CDH12: variants seen among roughly 807,000 people sequenced by gnomAD.
CDH12 encodes cadherin-12.
CDH12 carries 41 observed loss-of-function variants against 74.1 expected under a neutral mutation model. The observed-to-expected ratio is 0.55, with a 90% CI of 0.43 to 0.72. The LOEUF is 0.72. Ranked by LOEUF, CDH12 falls within the 30% of genes least tolerant of loss-of-function variation. The pLI is 0.00. For missense variants in CDH12, 945 were observed against 977.2 expected (o/e 0.97, Z 0.44); for synonymous variants, 399 against 355.0 (o/e 1.12, Z -1.39).
chr5:22,571,761 G>T (rs1190753016), intron 1 of CDH12, among the ~76,000 whole-genome samples: 1 of 152,146 alleles, frequency 6.6e-6, no homozygotes, highest in East Asian at 1.9e-4. Flanking sequence ...AAGACCCAGG[G>T]AGAGGGAGAG....
At chr5:22,282,547 A>G (rs1736935314) in intron 3 of CDH12, among the ~76,000 whole-genome samples, 1 of 152,174 alleles carries the variant, frequency 6.6e-6, no homozygotes, top group Non-Finnish European at 1.5e-5. Flanking sequence ...TTTACAAGCA[A>G]AGAACAAACA....
At chr5:22,626,704 G>A (rs1314345401) in intron 1 of CDH12, among the ~76,000 whole-genome samples, 1 of 152,184 alleles carries the variant, frequency 6.6e-6, no homozygotes, top group Non-Finnish European at 1.5e-5. Flanking sequence ...TCTTACCTCT[G>A]AATGACCACA....
chr5:22,523,401 T>A (rs1373415042), intron 1 of CDH12, among the ~76,000 whole-genome samples: 1 of 152,206 alleles, frequency 6.6e-6, no homozygotes, highest in African/African-American at 2.4e-5. Flanking sequence ...CATTAAAATG[T>A]AAGCTGGTCC....
intron 1 of CDH12, among the ~76,000 whole-genome samples, chr5:22,617,346 G>T (rs927050453): frequency 2.6e-5 from 4 of 151,984 alleles, no homozygotes; most frequent in Non-Finnish European, 4.4e-5. Flanking sequence ...AATTTTTGTT[G>T]TTTACAGTGA....
chr5:21,880,623 CTTTCTTTCTTTCTTTCTTTCTTTCTTTCT>C (rs1752266786), intron 6 of CDH12, among the ~76,000 whole-genome samples: 2 of 58,756 alleles, frequency 3.4e-5, no homozygotes, highest in East Asian at 1.1e-3. Context: ...TTCCTTCTTT[CTTTCTTTCTTTCTTTCTTTCTTTCTTTCT>C]TTCTTTCTTT....
intron 4 of CDH12, among the ~76,000 whole-genome samples, chr5:22,186,043 C>T (rs1182652494): frequency 6.6e-6 from 1 of 152,174 alleles, no homozygotes; most frequent in African/African-American, 2.4e-5. Flanking sequence ...GACAGAATTG[C>T]ATCTGGGCAT....
At chr5:21,883,481 T>G in intron 6 of CDH12, 1 of 1,612,894 alleles carries the variant, frequency 6.2e-7, no homozygotes, top group African/African-American at 1.3e-5. Context: ...GTCTTCAGGT[T>G]GTGGCAGTCA....
At chr5:21,754,960 T>C (rs1355286570) in intron 14 of CDH12, among the ~76,000 whole-genome samples, 3 of 152,224 alleles carry the variant, frequency 2.0e-5, no homozygotes, top group Non-Finnish European at 2.9e-5. Flanking sequence ...TCATTTTGCT[T>C]TGGAGTGTTT....
intron 1 of CDH12, among the ~76,000 whole-genome samples, chr5:22,789,196 AAAC>A (rs1747790249): frequency 6.6e-6 from 1 of 152,104 alleles, no homozygotes; most frequent in Admixed American, 6.6e-5. Context: ...AAAAAGGAAA[AAAC>A]AAAATTTTAG....
At chr5:21,980,537 C>T (rs966327004) in intron 5 of CDH12, among the ~76,000 whole-genome samples, 1 of 152,060 alleles carries the variant, frequency 6.6e-6, no homozygotes, top group Admixed American at 6.6e-5. Context: ...GTTCTCTGTG[C>T]TCCAAACTTC....
At chr5:22,164,214 G>T (rs968335948) in intron 4 of CDH12, among the ~76,000 whole-genome samples, 1 of 152,146 alleles carries the variant, frequency 6.6e-6, no homozygotes, top group African/African-American at 2.4e-5. Flanking sequence ...CTGACTTGGG[G>T]TTCTTGGCCT....
rs775080667 is a variant in CDH12 at position 22,671,164 on chromosome 5, T to C, written c.-522-165800A>G. ...TTTAATGTATACAATTTCACTAGTT[T>C]GGACATACTAATACACCCATGACAC... On this transcript the variant is annotated intron_variant, in intron 1 of 14. Coordinates refer to ENST00000382254, the MANE Select transcript of CDH12 (RefSeq NM_004061.5). 6.1e-4 allele frequency among the ~76,000 whole-genome samples: 93 copies of C among 152,144 alleles called. 2 individuals are homozygous for C. Among genetic ancestry groups the C allele is most frequent in the Non-Finnish European group, 2.1e-4 (14 of 68,024 alleles).
chr5:22,085,534 A>G (rs1306939937), intron 4 of CDH12, among the ~76,000 whole-genome samples: 1 of 152,124 alleles, frequency 6.6e-6, no homozygotes, highest in African/African-American at 2.4e-5. Flanking sequence ...TTAAATTAAT[A>G]TTCTATGGAG....
intron 3 of CDH12, among the ~76,000 whole-genome samples, chr5:22,274,830 T>G (rs1736554536): frequency 6.6e-6 from 1 of 152,130 alleles, no homozygotes; most frequent in African/African-American, 2.4e-5. Context: ...TTTTAAAAGT[T>G]ATATGCATCT....
At chr5:22,556,995 G>A (rs574175874) in intron 1 of CDH12, among the ~76,000 whole-genome samples, 5 of 152,000 alleles carry the variant, frequency 3.3e-5, no homozygotes, top group South Asian at 2.1e-4. Flanking sequence ...CAACCTCTCC[G>A]TAACACCCTC....
At chr5:22,213,052 G>A (rs142544946) in intron 3 of CDH12, among the ~76,000 whole-genome samples, 8,465 of 152,124 alleles carry the variant, frequency 0.056, 259 homozygotes, top group Non-Finnish European at 0.062. Context: ...GTACAGTGAA[G>A]CAATTAATAG....
chr5:22,436,139 A>T (rs1744376792), intron 2 of CDH12, among the ~76,000 whole-genome samples: 2 of 151,350 alleles, frequency 1.3e-5, no homozygotes, highest in Non-Finnish European at 2.9e-5. Context: ...GAAGCTGGAA[A>T]CCATCATTCT....
intron 10 of CDH12, among the ~76,000 whole-genome samples, chr5:21,790,048 G>C (rs1746405264): frequency 6.6e-6 from 1 of 152,016 alleles, no homozygotes; most frequent in Non-Finnish European, 1.5e-5. Context: ...AATTATTTCT[G>C]ATTTGATGAG....
intron 3 of CDH12, among the ~76,000 whole-genome samples, chr5:22,353,812 A>C (rs1184476091): frequency 6.6e-6 from 1 of 152,124 alleles, no homozygotes. Context: ...AACCTCTCTT[A>C]GTGATGTGCG....
Sources: allele counts gnomAD v4.1 joint callset (sites outside exome capture counted in the v4.1 genomes callset), GRCh38; gene constraint gnomAD v4.1.1; transcripts MANE v1.5; gene names NCBI Gene and HGNC (gene_info 2026-07-23, HGNC 2026-07-21).